NKIRAS1: variants seen among roughly 807,000 people sequenced by gnomAD.
NKIRAS1 encodes NF-kappa-B inhibitor-interacting Ras-like protein 1.
In NKIRAS1, 16 loss-of-function variants were observed where a neutral mutation model predicts 19.8. That is an observed-to-expected ratio of 0.81 (90% CI 0.55 to 1.23). NKIRAS1 has a LOEUF of 1.23. NKIRAS1 is among the 50% of genes most tolerant of loss of function. The pLI is 0.00. For missense variants in NKIRAS1, 184 were observed against 220.0 expected, an observed-to-expected ratio of 0.84 and a Z score of 1.04; for synonymous variants, 88 against 79.0, an observed-to-expected ratio of 1.11 and a Z score of -0.61.
chr3:23,912,420 G>A (rs1703845136), intron 1 of NKIRAS1, among the ~76,000 whole-genome samples: 1 of 152,162 alleles, frequency 6.6e-6, no homozygotes, highest in Non-Finnish European at 1.5e-5. Flanking sequence ...CATTTATGCA[G>A]CCAACAGACA....
At chr3:23,902,668 A>C (rs1702634122) in intron 3 of NKIRAS1, among the ~76,000 whole-genome samples, 1 of 152,080 alleles carries the variant, frequency 6.6e-6, no homozygotes, top group African/African-American at 2.4e-5. Context: ...TGGTACTCTA[A>C]AGATCAAATG....
At chr3:23,929,421 T>G (rs1428375706) in intron 1 of NKIRAS1, among the ~76,000 whole-genome samples, 1 of 151,628 alleles carries the variant, frequency 6.6e-6, no homozygotes, top group Non-Finnish European at 1.5e-5. Flanking sequence ...CTGAAAAAAT[T>G]TGTTTATTTA....
At position 23,901,065 on chromosome 3, in the gene NKIRAS1, C is replaced by G. The variant is rs2125379179; in HGVS notation, c.95-16G>C. 1 of 1,610,992 alleles carries G rather than the reference C, an allele frequency of 6.2e-7. No homozygotes were observed. The highest frequency in any genetic ancestry group is 1.7e-4 in the Middle Eastern group (1 of 6,054). On this transcript the variant is annotated splice_polypyrimidine_tract_variant and intron_variant, in intron 3 of 4. Transcript: ENST00000425478. ...TCTTCCATTCCTGGGATTAAGAAAA[C>G]AAATTACTCTTTTTGGCTAAGTCAG... is the stretch of plus-strand genomic sequence containing the variant.
At chr3:23,921,819 C>G (rs1280767391), upstream of NKIRAS1, 2 of 553,648 alleles carry the variant, frequency 3.6e-6, no homozygotes, top group Non-Finnish European at 6.4e-6. Flanking sequence ...AAGTGATCCA[C>G]CTGCCTTGGC....
chr3:23,946,299 C>T (rs1705705802), intron 1 of NKIRAS1: 20 of 985,334 alleles, frequency 2.0e-5, no homozygotes, highest in South Asian at 4.7e-5. Flanking sequence ...GAACCGGCGC[C>T]TGGGGAGGCT....
chr3:23,938,719 C>T (rs1705440913), intron 1 of NKIRAS1, among the ~76,000 whole-genome samples: 1 of 152,294 alleles, frequency 6.6e-6, no homozygotes, highest in South Asian at 2.1e-4. Context: ...GCTTGTGACT[C>T]CCTTTTAACC....
At chr3:23,914,245 T>G (rs1023452781) in intron 1 of NKIRAS1, among the ~76,000 whole-genome samples, 1 of 152,174 alleles carries the variant, frequency 6.6e-6, no homozygotes, top group Non-Finnish European at 1.5e-5. Context: ...ACATTTTCTT[T>G]GAAGAGCCAT....
At chr3:23,945,791 A>G (rs1475094061) in intron 1 of NKIRAS1, among the ~76,000 whole-genome samples, 1 of 150,188 alleles carries the variant, frequency 6.7e-6, no homozygotes, top group East Asian at 2.0e-4. Flanking sequence ...GTCTCCCTGC[A>G]AAGCCGCAGC....
rs1701605050 is a variant in NKIRAS1 at position 23,893,203 on chromosome 3, CAG to C, written c.469_470del (p.Leu157AspfsTer2). On this transcript the variant is annotated frameshift_variant, in exon 5 of 5. Coordinates refer to ENST00000425478, the MANE Select transcript of NKIRAS1 (RefSeq NM_020345.4). LOFTEE classifies it high-confidence loss of function. ...TGGCTAATAAAGTGAATGGTTCAATCAGAGTTTTCCGATCTGTAACAGTCACC... is the reference window on the plus strand; with the variant it reads ...TGGCTAATAAAGTGAATGGTTCAATCAGTTTTCCGATCTGTAACAGTCACC... ...WEVTVTDRKT[L>X]IEPFTLLASK... is the part of the protein sequence containing the mutation. 2 of 1,613,840 alleles carry C rather than the reference CAG, an allele frequency of 1.2e-6. No homozygotes were observed. The highest frequency in any genetic ancestry group is 2.2e-5 in the South Asian group (2 of 91,060).
intron 1 of NKIRAS1, among the ~76,000 whole-genome samples, chr3:23,914,055 G>A (rs1178572336): frequency 6.6e-6 from 1 of 151,970 alleles, no homozygotes; most frequent in African/African-American, 2.4e-5. Flanking sequence ...ATTACTAAGA[G>A]AACGTGCTTA....
intron 3 of NKIRAS1, among the ~76,000 whole-genome samples, chr3:23,902,670 G>A (rs981636964): frequency 1.3e-5 from 2 of 152,144 alleles, no homozygotes; most frequent in African/African-American, 4.8e-5. Flanking sequence ...GTACTCTAAA[G>A]ATCAAATGAA....
chr3:23,924,488 T>G (rs1705174907), intron 1 of NKIRAS1: 1 of 152,250 alleles, frequency 6.6e-6, no homozygotes, highest in African/African-American at 2.4e-5. Context: ...CACTGCAACC[T>G]CCACCTTCTG....
In NKIRAS1 at chr3:23,912,840, C is replaced by T. The variant is rs571412602; in HGVS notation, c.-139-1390G>A. 5.3e-5 allele frequency among the ~76,000 whole-genome samples: 8 copies of T among 152,094 alleles called. No individual in the cohort carries two copies. The South Asian group carries it at 8.3e-4, about 16-fold the overall frequency. On this transcript the variant is annotated intron_variant, in intron 1 of 4. Transcript: ENST00000425478. ...GATTAAGAAAATATGCCACATACGT[C>T]GGGCGCGGTGGCTCATGCCTGTAAT...
At chr3:23,916,998 G>C (rs907590016), upstream of NKIRAS1, 1 of 152,622 alleles carries the variant, frequency 6.6e-6, no homozygotes, top group Non-Finnish European at 1.5e-5. Flanking sequence ...AATAGCGGCC[G>C]CGGCGCCCCA....
chr3:23,898,125 T>G (rs965562907), intron 4 of NKIRAS1, among the ~76,000 whole-genome samples: 4 of 152,014 alleles, frequency 2.6e-5, no homozygotes, highest in Admixed American at 6.6e-5. Context: ...GATACCCAAG[T>G]AAATAATTAC....
At chr3:23,937,031 T>C (rs1240120015) in intron 1 of NKIRAS1, among the ~76,000 whole-genome samples, 1 of 152,102 alleles carries the variant, frequency 6.6e-6, no homozygotes, top group African/African-American at 2.4e-5. Flanking sequence ...GAAGAGTTGA[T>C]TGTTGAAAAG....
In NKIRAS1 at chr3:23,922,813, T is replaced by A. The variant is rs1705134115; in HGVS notation, c.-139-11363A>T. 1 of 152,180 alleles carries A rather than the reference T, an allele frequency of 6.6e-6. No individual in the cohort carries two copies. Among genetic ancestry groups the A allele is most frequent in the South Asian group, 2.1e-4 (1 of 4,822 alleles). 9.4% of individuals were successfully genotyped at this position (152,180 alleles called of 1,614,324 possible). On this transcript the variant is annotated intron_variant, in intron 1 of 4. Coordinates refer to the NKIRAS1 transcript ENST00000421515. This position sits in a 1 kb window ranked among gnomAD's most constrained non-coding sequence, Gnocchi z 4.2. ...AGGCAAGGTGATCAGTTTAACAATA[T>A]TTTTTTATTTTGAGACAGGGTCTCA... is the stretch of plus-strand genomic sequence containing the variant.
rs1451932828 is a variant in NKIRAS1 at position 23,926,131 on chromosome 3, AC to A, written c.-139-14682del. Reference sequence around the variant, plus strand: ...AGTGGCACAATCTTGGCTCACTGTAACCTCTGCCTCCCAGGTTCAAGCAATT... The same window carrying A: ...AGTGGCACAATCTTGGCTCACTGTAACTCTGCCTCCCAGGTTCAAGCAATT... On this transcript the variant is annotated intron_variant, in intron 1 of 4. Transcript: ENST00000421515. The surrounding 1 kb of genome is among the most constrained non-coding windows in gnomAD (Gnocchi z 4.3). Among the ~76,000 whole-genome samples the A allele has an allele frequency of 6.6e-6, 1 of 152,036 alleles. No individual in the cohort carries two copies. The highest frequency in any genetic ancestry group is 2.4e-5 in the African/African-American group (1 of 41,388).
chr3:23,929,530 G>A lies in NKIRAS1; in HGVS notation c.-140+16793C>T, dbSNP rs141251814. On this transcript the variant is annotated intron_variant, in intron 1 of 4. Transcript: ENST00000421515. Reference sequence around the variant, plus strand: ...CAACCTCTGCGTCTCCGGCTCAAGCGATCCTCCCACCTCAGCCTCCTGAGT... The same window carrying A: ...CAACCTCTGCGTCTCCGGCTCAAGCAATCCTCCCACCTCAGCCTCCTGAGT... 7.8e-3 allele frequency among the ~76,000 whole-genome samples: 1,190 copies of A among 152,164 alleles called. 13 individuals carry two copies. Among genetic ancestry groups the A allele is most frequent in the African/African-American group, 0.027 (1,117 of 41,522 alleles).
Sources: gnomAD v4.1 joint callset for allele counts (sites outside exome capture counted in the v4.1 genomes callset) on GRCh38, gnomAD v4.1.1 for gene constraint, Gnocchi (gnomAD v3.1) non-coding constraint, MANE v1.5 for transcripts, NCBI Gene and HGNC (gene_info 2026-07-23, HGNC 2026-07-21) for gene names.